Variants in TAFA1 observed in about 807,000 individuals in gnomAD.
TAFA1 encodes the protein TAFA chemokine like family member 1, also known as chemokine-like protein TAFA-1.
Under a neutral mutation model 18.5 loss-of-function variants are expected in TAFA1, and 4 were observed. That is an observed-to-expected ratio of 0.22 (90% CI 0.11 to 0.49). The LOEUF is 0.49. Ranked by LOEUF, TAFA1 falls within the 20% of genes least tolerant of loss-of-function variation. TAFA1 has a pLI of 0.98. For synonymous variants in TAFA1, 56 were observed against 55.2 expected (o/e 1.01, Z -0.06); for missense variants, 147 against 169.0 (o/e 0.87, Z 0.72).
chr3:68,045,544 G>T (rs1705250674), intron 2 of TAFA1, among the ~76,000 whole-genome samples: 1 of 152,030 alleles, frequency 6.6e-6, no homozygotes, highest in Admixed American at 6.6e-5. Context: ...TGTAAGCCTT[G>T]GTTTCAACAT....
intron 3 of TAFA1, among the ~76,000 whole-genome samples, chr3:68,498,183 C>T (rs1438118316): frequency 6.6e-6 from 1 of 152,168 alleles, no homozygotes; most frequent in African/African-American, 2.4e-5. Flanking sequence ...GTCAAATGGG[C>T]ATAAGGATAG....
At chr3:68,058,468 T>A (rs909260484) in intron 2 of TAFA1, among the ~76,000 whole-genome samples, 7 of 152,192 alleles carry the variant, frequency 4.6e-5, no homozygotes, top group African/African-American at 1.7e-4. Flanking sequence ...TTCTGTAAGA[T>A]CATTTTCCCC....
chr3:68,285,680 C>T (rs62248315), intron 2 of TAFA1, among the ~76,000 whole-genome samples: 37,414 of 151,914 alleles, frequency 0.25, 4,983 homozygotes, highest in East Asian at 0.34. Flanking sequence ...TGATTTGAGA[C>T]ATATCAATCA....
intron 2 of TAFA1, among the ~76,000 whole-genome samples, chr3:68,306,839 C>T (rs1354262778): frequency 6.6e-6 from 1 of 152,172 alleles, no homozygotes; most frequent in Non-Finnish European, 1.5e-5. Context: ...CAGCCTCATA[C>T]CATGTTTCCC....
chr3:68,136,775 T>C (rs142596764), intron 2 of TAFA1, among the ~76,000 whole-genome samples: 106 of 152,302 alleles, frequency 7.0e-4, no homozygotes, highest in Non-Finnish European at 1.5e-3. Context: ...AAGAAATGAT[T>C]AAAATTCACT....
intron 2 of TAFA1, among the ~76,000 whole-genome samples, chr3:68,375,033 G>T (rs2069782109): frequency 6.6e-6 from 1 of 151,768 alleles, no homozygotes; most frequent in Non-Finnish European, 1.5e-5. Context: ...ATGCTGTTTG[G>T]GGATGAATTT....
intron 2 of TAFA1, among the ~76,000 whole-genome samples, chr3:68,082,006 A>G (rs371147583): frequency 3.9e-5 from 6 of 152,202 alleles, no homozygotes; most frequent in Admixed American, 6.5e-5. Flanking sequence ...TGCAGGATAT[A>G]ATCTCGTGGT....
chr3:68,255,664 T>C (rs2107177637), intron 2 of TAFA1, among the ~76,000 whole-genome samples: 1 of 148,108 alleles, frequency 6.8e-6, no homozygotes, highest in South Asian at 2.1e-4. Flanking sequence ...TTTTATAGGG[T>C]TTTTTTTAAT....
Position 68,376,772 on chromosome 3 carries a change from G to A in TAFA1, c.119-40508G>A, listed in dbSNP as rs1051369521. Among the ~76,000 whole-genome samples, 12 of 152,290 alleles carry A rather than the reference G, an allele frequency of 7.9e-5. No individual in the cohort carries two copies. In the East Asian group the frequency reaches 9.7e-4, roughly 12 times the overall value. On this transcript the variant is annotated intron_variant, in intron 2 of 4. Coordinates refer to ENST00000478136, the MANE Select transcript of TAFA1 (RefSeq NM_213609.4). ...TTATATTCCTTTGGGTATATACCCA[G>A]TGATATGGTTTGGCTCTGTGTCCCC...
chr3:68,315,034 G>C (rs2068584889), intron 2 of TAFA1, among the ~76,000 whole-genome samples: 1 of 151,852 alleles, frequency 6.6e-6, no homozygotes, highest in South Asian at 2.1e-4. Context: ...CTCTGTTAAA[G>C]AGAACTTCAA....
chr3:68,231,384 C>T (rs1336575255), intron 2 of TAFA1, among the ~76,000 whole-genome samples: 6 of 112,950 alleles, frequency 5.3e-5, no homozygotes, highest in East Asian at 2.7e-4. Context: ...GACGGAGTCT[C>T]GCTCTGTCGC....
In TAFA1 at chr3:68,433,847, T is replaced by C. The variant is rs577078458; in HGVS notation, c.259+16427T>C. ...GTATTAGTTCTAACAATTGAAAGGA[T>C]TGATGTGAGATACAGATTTGGTGGG... On this transcript the variant is annotated intron_variant, in intron 3 of 4. Coordinates refer to ENST00000478136, the MANE Select transcript of TAFA1 (RefSeq NM_213609.4). 5.4e-4 allele frequency among the ~76,000 whole-genome samples: 82 copies of C among 152,236 alleles called. No homozygotes were observed. The Middle Eastern group carries it at 0.014, about 25-fold the overall frequency.
intron 2 of TAFA1, among the ~76,000 whole-genome samples, chr3:68,290,980 C>T (rs72926579): frequency 0.037 from 5,642 of 151,834 alleles, 340 homozygotes; most frequent in African/African-American, 0.13. Flanking sequence ...CTCTGCTAAG[C>T]TTTATTTTTT....
At chr3:68,381,944 C>T (rs1340651987) in intron 2 of TAFA1, among the ~76,000 whole-genome samples, 1 of 152,156 alleles carries the variant, frequency 6.6e-6, no homozygotes, top group African/African-American at 2.4e-5. Flanking sequence ...AGATACGTCC[C>T]ATCAATACCT....
At chr3:68,405,787 C>A (rs561517818) in intron 2 of TAFA1, among the ~76,000 whole-genome samples, 5 of 148,740 alleles carry the variant, frequency 3.4e-5, no homozygotes, top group African/African-American at 1.2e-4. Context: ...TTAGGCCCCC[C>A]ACCACTGCAG....
Position 68,349,808 on chromosome 3 carries a change from T to C in TAFA1, c.119-67472T>C, listed in dbSNP as rs192911518. Reference sequence around the variant, plus strand: ...GGTCTTAGATTATGAACATCTGATCTAGATTATCACCTTCCCTAGTGGGGA... The same window carrying C: ...GGTCTTAGATTATGAACATCTGATCCAGATTATCACCTTCCCTAGTGGGGA... On this transcript the variant is annotated intron_variant, in intron 2 of 4. Coordinates refer to ENST00000478136, the MANE Select transcript of TAFA1 (RefSeq NM_213609.4). Among the ~76,000 whole-genome samples, 5 of 152,230 alleles carry C rather than the reference T, an allele frequency of 3.3e-5. No homozygotes were observed. The East Asian group carries it at 9.7e-4, about 29-fold the overall frequency.
chr3:68,154,789 C>T (rs56831191), intron 2 of TAFA1, among the ~76,000 whole-genome samples: 9,601 of 152,196 alleles, frequency 0.063, 393 homozygotes, highest in African/African-American at 0.11. Context: ...ACCCCACACA[C>T]TTCTATTCTC....
chr3:68,042,878 CTTTTGTTTTG>C (rs955627970), intron 2 of TAFA1, among the ~76,000 whole-genome samples: 3 of 151,930 alleles, frequency 2.0e-5, no homozygotes, highest in African/African-American at 4.8e-5. Context: ...TTGTGCCATT[CTTTTGTTTTG>C]TTTTGTTTTG....
chr3:68,377,017 T>C (rs1298729421), intron 2 of TAFA1, among the ~76,000 whole-genome samples: 1 of 152,190 alleles, frequency 6.6e-6, no homozygotes, highest in Non-Finnish European at 1.5e-5. Context: ...TCCACCATGA[T>C]TGTAAGTTTC....
Sources: gnomAD v4.1 joint callset for allele counts (sites outside exome capture counted in the v4.1 genomes callset) on GRCh38, gnomAD v4.1.1 for gene constraint, MANE v1.5 for transcripts, NCBI Gene and HGNC (gene_info 2026-07-23, HGNC 2026-07-21) for gene names.